Variants in ZNF461 observed in about 807,000 individuals in gnomAD.
The protein encoded by ZNF461 is gonadotropin-inducible ovarian transcription factor-1.
Under a neutral mutation model 18.3 loss-of-function variants are expected in ZNF461, and 16 were observed. The ratio of observed to expected loss-of-function variants is 0.88; its 90% CI spans 0.59 to 1.33. The LOEUF is 1.33. Among genes scored for constraint, ZNF461 ranks in the 40% most tolerant of loss-of-function variants. ZNF461 has a pLI of 0.00. For missense variants in ZNF461, 595 were observed against 669.9 expected (o/e 0.89, Z 1.23); for synonymous variants, 179 against 216.9 (o/e 0.83, Z 1.54).
chr19:36,637,950 G>C lies in ZNF461; in HGVS notation c.*703C>G. On this transcript the variant is annotated 3_prime_UTR_variant, in exon 6 of 6. Coordinates refer to ENST00000588268, the MANE Select transcript of ZNF461 (RefSeq NM_153257.5). ...GTGCTTTTATTAAACAAAAAATTTA[G>C]AAGATTTTAAAAAATAAATGTAATG... The C allele has an allele frequency of 3.1e-6, 1 of 320,978 alleles. No individual in the cohort carries two copies. The highest frequency in any genetic ancestry group is 2.5e-5 in the South Asian group (1 of 40,142). The allele number at this position is 320,978 out of a possible 1,614,324, so 19.9% of individuals were successfully genotyped here.
chr19:36,666,070 C>A (rs2145427288), intron 1 of ZNF461, among the ~76,000 whole-genome samples: 1 of 150,510 alleles, frequency 6.6e-6, no homozygotes, highest in East Asian at 2.0e-4. Context: ...TCGTGTGAGC[C>A]TGAGGATAAC....
At chr19:36,664,858 T>A (rs2037877580) in intron 1 of ZNF461, 72 bp from the exon 2 acceptor site, 3 of 512,636 alleles carry the variant, frequency 5.9e-6, no homozygotes, top group Non-Finnish European at 1.0e-5. Context: ...TAATTCAGAA[T>A]GACATTTTTC....
intron 4 of ZNF461, 63 bp downstream of exon 4, chr19:36,656,385 C>T: frequency 7.3e-7 from 1 of 1,363,318 alleles, no homozygotes. Context: ...ATAAACTTGC[C>T]AGCCCAACAT....
In ZNF461 at chr19:36,636,890, C is replaced by T. The variant is rs530701965; in HGVS notation, c.*1763G>A. ...AACTAGAAGCCAGCATATCTGGCCA[C>T]ATTCCAATGCTTCAAAGGAGTGTCT... On this transcript the variant is annotated 3_prime_UTR_variant, in exon 6 of 6. Coordinates refer to ENST00000588268, the MANE Select transcript of ZNF461 (RefSeq NM_153257.5). 6.6e-6 allele frequency among the ~76,000 whole-genome samples: 1 copy of T among 152,316 alleles called. No homozygotes were observed. Among genetic ancestry groups the T allele is most frequent in the East Asian group, 1.9e-4 (1 of 5,180 alleles).
At chr19:36,662,712 C>T (rs185475698) in intron 2 of ZNF461, among the ~76,000 whole-genome samples, 195 of 152,186 alleles carry the variant, frequency 1.3e-3, no homozygotes, top group Non-Finnish European at 2.1e-3. Flanking sequence ...AGCTTTATTT[C>T]TCTGATTTTA....
rs1489750669 is a variant in ZNF461, at chr19:36,638,098, T to C, written c.*555A>G. ...AAACAACTTCAATGTCTGTAGTAGG[T>C]AATGGCCCAAAATACGGACATACAT... On this transcript the variant is annotated 3_prime_UTR_variant, in exon 6 of 6. Transcript: ENST00000588268. The C allele has an allele frequency of 5.1e-6, 1 of 197,796 alleles. No homozygotes were observed. The highest frequency in any genetic ancestry group is 2.4e-5 in the African/African-American group (1 of 41,882). 12.3% of individuals were successfully genotyped at this position (197,796 alleles called of 1,614,324 possible).
At chr19:36,641,568 T>G (rs1359733362) in intron 5 of ZNF461, among the ~76,000 whole-genome samples, 1 of 145,424 alleles carries the variant, frequency 6.9e-6, no homozygotes, top group African/African-American at 2.5e-5. Context: ...TATATATATG[T>G]TTTTTTACCC....
chr19:36,664,587 ATG>A, intron 2 of ZNF461, 109 bp downstream of exon 2: 1 of 778,350 alleles, frequency 1.3e-6, no homozygotes, highest in Non-Finnish European at 1.9e-6. Context: ...CAGCGAGGCT[ATG>A]TCTCAAAAAA....
chr19:36,651,824 C>T (rs2037631915), intron 4 of ZNF461, among the ~76,000 whole-genome samples: 1 of 152,130 alleles, frequency 6.6e-6, no homozygotes, highest in Admixed American at 6.5e-5. Context: ...TACAGACAAG[C>T]TTTTCTAAAA....
intron 4 of ZNF461, among the ~76,000 whole-genome samples, chr19:36,654,743 T>C (rs899225015): frequency 2.0e-5 from 3 of 152,142 alleles, no homozygotes; most frequent in Non-Finnish European, 2.9e-5. Context: ...CCTTGGTCTA[T>C]AGCACCCCAA....
rs7248477 is a variant in ZNF461 at position 36,666,699 on chromosome 19, T to C, written c.-90A>G. The C allele has an allele frequency of 0.67, 102,356 of 152,294 alleles. 34,731 individuals are homozygous for C. The highest frequency in any genetic ancestry group is 0.82 in the East Asian group (4,230 of 5,162). 9.4% of individuals were successfully genotyped at this position (152,294 alleles called of 1,614,324 possible). A position where few individuals can be genotyped will look rare whatever the true frequency, so the allele number is the denominator to read the frequency against. On this transcript the variant is annotated 5_prime_UTR_variant, in exon 1 of 6. Coordinates refer to ENST00000588268, the MANE Select transcript of ZNF461 (RefSeq NM_153257.5). ...AGCCAGGATTTCTTACCTTCAGCAT[T>C]CTCAGGGAAGGCTCTGGTCCAAGCT...
intron 5 of ZNF461, 128 bp downstream of exon 5, chr19:36,643,666 A>G (rs2037469208): frequency 2.5e-6 from 2 of 805,392 alleles, no homozygotes; most frequent in Non-Finnish European, 3.4e-6. Flanking sequence ...ATGCGTGATT[A>G]TGTATTTCTG....
chr19:36,653,075 C>T (rs2037656938), intron 4 of ZNF461, among the ~76,000 whole-genome samples: 1 of 152,098 alleles, frequency 6.6e-6, no homozygotes, highest in African/African-American at 2.4e-5. Flanking sequence ...CAATGAAAAA[C>T]AATTAGAACA....
At chr19:36,643,746 T>C in intron 5 of ZNF461, 48 bp downstream of exon 5, 1 of 1,455,466 alleles carries the variant, frequency 6.9e-7, no homozygotes, top group Non-Finnish European at 9.1e-7. Context: ...TAGCTGACTT[T>C]GTTACCAGTA....
chr19:36,645,511 T>C (rs967778585), intron 4 of ZNF461, among the ~76,000 whole-genome samples: 6 of 152,204 alleles, frequency 3.9e-5, no homozygotes, highest in African/African-American at 1.4e-4. Context: ...TCCCACTTTA[T>C]TGAGGGAAAA....
In ZNF461 at chr19:36,638,825, C is replaced by T. The variant is rs550792973; in HGVS notation, c.1520G>A (p.Ser507Asn). 58 of 1,614,124 alleles carry T rather than the reference C, an allele frequency of 3.6e-5. 1 individual carries two copies. In the South Asian group the frequency reaches 6.0e-4, roughly 17 times the overall value. ...YECKECGKAFSYHSSFSHHQR... is the reference protein window; with the variant it reads ...YECKECGKAFNYHSSFSHHQR... Reference sequence around the variant, plus strand: ...ATGGTGTGAGAAGCTTGAATGATAGCTAAAGGCCTTCCCACATTCCTTACA... The same window carrying T: ...ATGGTGTGAGAAGCTTGAATGATAGTTAAAGGCCTTCCCACATTCCTTACA... The change falls in exon 6 of 6, where the codon AGC (serine) becomes AAC (asparagine). Residue 507 changes from serine (S) to asparagine (N), a missense_variant. Coordinates refer to ENST00000588268, the MANE Select transcript of ZNF461 (RefSeq NM_153257.5).
At chr19:36,641,815 A>C (rs879741715) in intron 5 of ZNF461, among the ~76,000 whole-genome samples, 1 of 152,110 alleles carries the variant, frequency 6.6e-6, no homozygotes, top group Non-Finnish European at 1.5e-5. Flanking sequence ...CTGATTTTAT[A>C]TATAAACACA....
chr19:36,645,631 A>T (rs964963572), intron 4 of ZNF461, among the ~76,000 whole-genome samples: 9 of 152,098 alleles, frequency 5.9e-5, no homozygotes, highest in African/African-American at 1.9e-4. Flanking sequence ...ATCACCTTAC[A>T]TAGTTAACTG....
chr19:36,656,682 G>A, intron 3 of ZNF461, 139 bp from the exon 4 acceptor site: 1 of 646,254 alleles, frequency 1.5e-6, no homozygotes. Context: ...AAGGAGAAGA[G>A]ATGAAACACT....
Sources: allele counts gnomAD v4.1 joint callset (sites outside exome capture counted in the v4.1 genomes callset), GRCh38; gene constraint gnomAD v4.1.1; transcripts MANE v1.5; gene names NCBI Gene and HGNC (gene_info 2026-07-23, HGNC 2026-07-21).